Variants in HS2ST1 observed in about 807,000 individuals in gnomAD.
HS2ST1 encodes 2-O-sulfotransferase.
Under a neutral mutation model 42.9 loss-of-function variants are expected in HS2ST1, and 18 were observed. That is an observed-to-expected ratio of 0.42 (90% CI 0.29 to 0.62). The LOEUF is 0.62. Among genes scored for constraint, HS2ST1 ranks in the 20% least tolerant of loss-of-function variants. The pLI is 0.21. For synonymous variants in HS2ST1, 146 were observed against 152.9 expected (o/e 0.95, Z 0.33); for missense variants, 334 against 433.8 (o/e 0.77, Z 2.04).
chr1:87,048,284 A>G (rs1437210407), intron 1 of HS2ST1, among the ~76,000 whole-genome samples: 1 of 152,192 alleles, frequency 6.6e-6, no homozygotes, highest in Non-Finnish European at 1.5e-5. Flanking sequence ...TAATTCTCGT[A>G]GCTTTTTTAT....
chr1:86,992,362 CTTTTT>C (rs564090660), intron 1 of HS2ST1, among the ~76,000 whole-genome samples: 5 of 146,258 alleles, frequency 3.4e-5, no homozygotes, highest in African/African-American at 1.3e-4. Context: ...TTTTCTCTTT[CTTTTT>C]TTTTTTTGTG....
intron 2 of HS2ST1, among the ~76,000 whole-genome samples, chr1:87,081,219 A>G (rs1570535679): frequency 6.6e-6 from 1 of 152,180 alleles, no homozygotes; most frequent in African/African-American, 2.4e-5. Context: ...GACCTAATAG[A>G]TATTTACAGA....
At chr1:86,992,568 A>C (rs1648987199) in intron 1 of HS2ST1, among the ~76,000 whole-genome samples, 1 of 151,916 alleles carries the variant, frequency 6.6e-6, no homozygotes. Context: ...CTCCATGTTG[A>C]TCAGGCTGGT....
chr1:87,074,479 A>G (rs569083729), intron 2 of HS2ST1, among the ~76,000 whole-genome samples: 4 of 152,340 alleles, frequency 2.6e-5, no homozygotes, highest in African/African-American at 7.2e-5. Flanking sequence ...TTTTAGAAAA[A>G]TAATGTTAAT....
intron 1 of HS2ST1, among the ~76,000 whole-genome samples, chr1:87,043,201 A>T (rs1650564130): frequency 1.3e-5 from 2 of 152,140 alleles, no homozygotes; most frequent in Non-Finnish European, 2.9e-5. Flanking sequence ...AATTTTAAGT[A>T]CTGTTTGATT....
At chr1:86,993,233 C>T in intron 1 of HS2ST1, 1 of 1,339,310 alleles carries the variant, frequency 7.5e-7, no homozygotes, top group Non-Finnish European at 1.0e-6. Context: ...ATGTATGCAA[C>T]CATACTTAGA....
rs923838383 is a variant in HS2ST1 at position 86,922,391 on chromosome 1, A to C, written c.124+7231A>C. On this transcript the variant is annotated intron_variant, in intron 1 of 6. Coordinates refer to ENST00000370550, the MANE Select transcript of HS2ST1 (RefSeq NM_012262.4). ...AAAAATTTTTTAAAAATTTGCTGACATATTTACCATTCCCAGTGTTCTTCA... is the reference window on the plus strand; with the variant it reads ...AAAAATTTTTTAAAAATTTGCTGACCTATTTACCATTCCCAGTGTTCTTCA... 4.0e-5 allele frequency among the ~76,000 whole-genome samples: 6 copies of C among 150,544 alleles called. 1 individual carries two copies. The South Asian group carries it at 8.3e-4, about 21-fold the overall frequency.
chr1:86,984,039 CA>C (rs36109552), intron 1 of HS2ST1, among the ~76,000 whole-genome samples: 189 of 145,098 alleles, frequency 1.3e-3, no homozygotes, highest in Non-Finnish European at 2.1e-3. Flanking sequence ...GGCTCCATCT[CA>C]AAAAAAAAAA....
At chr1:87,003,000 T>C (rs1283693807) in intron 1 of HS2ST1, among the ~76,000 whole-genome samples, 2 of 152,182 alleles carry the variant, frequency 1.3e-5, no homozygotes, top group Admixed American at 6.5e-5. Context: ...GGTGCAGAGG[T>C]TGGATTTGGG....
intron 1 of HS2ST1, among the ~76,000 whole-genome samples, chr1:87,017,835 A>T (rs1165443800): frequency 1.3e-5 from 2 of 152,076 alleles, no homozygotes; most frequent in Non-Finnish European, 2.9e-5. Flanking sequence ...CTTCTGGCTT[A>T]GCCTATGTTT....
chr1:87,046,306 C>T, intron 1 of HS2ST1: 1 of 729,800 alleles, frequency 1.4e-6, no homozygotes, highest in Non-Finnish European at 2.6e-6. Context: ...CCTGACTGTA[C>T]AATTTGTAAC....
chr1:86,925,191 T>A (rs1196871627), intron 1 of HS2ST1, among the ~76,000 whole-genome samples: 1 of 152,152 alleles, frequency 6.6e-6, no homozygotes, highest in Non-Finnish European at 1.5e-5. Context: ...TCCCAACAAA[T>A]TCCTTGTCTC....
chr1:87,072,858 A>G, intron 1 of HS2ST1, 76 bp from the exon 2 acceptor site: 2 of 992,118 alleles, frequency 2.0e-6, no homozygotes, highest in South Asian at 3.0e-5. Context: ...TTTTCTAATC[A>G]TGGTCCAAAG....
chr1:87,057,762 A>G (rs1651010959), intron 1 of HS2ST1, among the ~76,000 whole-genome samples: 1 of 151,650 alleles, frequency 6.6e-6, no homozygotes, highest in Non-Finnish European at 1.5e-5. Flanking sequence ...GAGGCAGGAG[A>G]ATGGCGTGAA....
chr1:87,044,718 A>G (rs957866407), intron 1 of HS2ST1, among the ~76,000 whole-genome samples: 2 of 152,186 alleles, frequency 1.3e-5, no homozygotes, highest in African/African-American at 4.8e-5. Context: ...ACTTTGTTCA[A>G]AGGGTTTTTA....
chr1:87,076,347 C>T (rs549501646), intron 2 of HS2ST1, among the ~76,000 whole-genome samples: 1 of 152,122 alleles, frequency 6.6e-6, no homozygotes, highest in East Asian at 1.9e-4. Flanking sequence ...ATATGAATGA[C>T]AACTATTTGC....
intron 1 of HS2ST1, among the ~76,000 whole-genome samples, chr1:86,964,025 A>G (rs983521487): frequency 2.0e-5 from 3 of 147,286 alleles, no homozygotes; most frequent in African/African-American, 7.7e-5. Context: ...GACGCTCCTC[A>G]CCTCCCAGAC....
intron 5 of HS2ST1, among the ~76,000 whole-genome samples, 159 bp from the exon 6 acceptor site, chr1:87,103,273 G>T (rs1255092428): frequency 6.6e-6 from 1 of 152,188 alleles, no homozygotes; most frequent in Non-Finnish European, 1.5e-5. Flanking sequence ...AAATGAAATT[G>T]GAAACAGGTG....
chr1:87,042,855 A>T (rs1447835690), intron 1 of HS2ST1, among the ~76,000 whole-genome samples: 1 of 152,130 alleles, frequency 6.6e-6, no homozygotes, highest in East Asian at 1.9e-4. Context: ...TATAAGACTC[A>T]TAGGAATTTA....
Sources: allele counts gnomAD v4.1 joint callset (sites outside exome capture counted in the v4.1 genomes callset), GRCh38; gene constraint gnomAD v4.1.1; transcripts MANE v1.5; gene names NCBI Gene and HGNC (gene_info 2026-07-23, HGNC 2026-07-21).